UXS1: variants seen among roughly 807,000 people sequenced by gnomAD.
The protein encoded by UXS1 is UDP-glucuronate decarboxylase 1.
Under a neutral mutation model 62.6 loss-of-function variants are expected in UXS1, and 33 were observed. That is an observed-to-expected ratio of 0.53 (90% CI 0.40 to 0.70). The LOEUF is 0.70. UXS1 is among the 30% of genes least tolerant of loss of function. UXS1 has a pLI of 0.00. For missense variants in UXS1, 434 were observed against 556.3 expected, an observed-to-expected ratio of 0.78 and a Z score of 2.21; for synonymous variants, 213 against 206.8, an observed-to-expected ratio of 1.03 and a Z score of -0.26.
chr2:106,121,057 C>T (rs1045671448), intron 9 of UXS1, among the ~76,000 whole-genome samples: 1 of 152,180 alleles, frequency 6.6e-6, no homozygotes, highest in African/African-American at 2.4e-5. Context: ...CTAGGTGCTA[C>T]CTTCCGGAAC....
chr2:106,102,596 A>G (rs994312430), intron 11 of UXS1: 6 of 152,230 alleles, frequency 3.9e-5, no homozygotes, highest in African/African-American at 1.4e-4. Flanking sequence ...CCATGAGAAT[A>G]TTAAACAGAG....
chr2:106,166,197 T>C, intron 1 of UXS1, 114 bp from the exon 2 acceptor site: 1 of 1,030,970 alleles, frequency 9.7e-7, no homozygotes, highest in Non-Finnish European at 1.4e-6. Context: ...GAAAATTAAC[T>C]TACGAAGACA....
At chr2:106,189,688 G>A (rs1267364787) in intron 1 of UXS1, among the ~76,000 whole-genome samples, 3 of 152,190 alleles carry the variant, frequency 2.0e-5, no homozygotes, top group Admixed American at 2.0e-4. Context: ...CCGAAAGGAA[G>A]ATGCTACAAT....
Position 106,098,755 on chromosome 2 carries a change from T to C in UXS1, c.1003A>G (p.Thr335Ala), listed in dbSNP as rs1677334567. The C allele has an allele frequency of 6.2e-7, 1 of 1,612,054 alleles. No individual in the cohort carries two copies. Among genetic ancestry groups the C allele is most frequent in the Non-Finnish European group, 8.5e-7 (1 of 1,179,076 alleles). The change falls in exon 13 of 15, where the codon ACA becomes GCA. Residue 335 changes from threonine to alanine, a missense_variant. Coordinates refer to ENST00000283148, the MANE Select transcript of UXS1 (RefSeq NM_001253875.2). Reference protein sequence around the residue: ...PVNLGNPEEHTILEFAQLIKN... With the variant: ...PVNLGNPEEHAILEFAQLIKN... ...ATTAACTGAGCAAATTCTAGGATTG[T>C]GTGTTCTTCTGGGTTCCCCTAAGAA...
At chr2:106,132,732 G>C (rs1680498041) in intron 6 of UXS1, among the ~76,000 whole-genome samples, 1 of 3,700 alleles carries the variant, frequency 2.7e-4, no homozygotes, top group African/African-American at 1.0e-3. Context: ...CACCAGGCCT[G>C]CCCTAAAAGA....
Position 106,093,916 on chromosome 2 carries a change from T to C in UXS1, c.*110A>G. The C allele has an allele frequency of 7.3e-7, 1 of 1,364,648 alleles. No individual in the cohort carries two copies. The highest frequency in any genetic ancestry group is 9.6e-7 in the Non-Finnish European group (1 of 1,037,986). 84.5% of individuals were successfully genotyped at this position (1,364,648 alleles called of 1,614,324 possible). ...CAAGCTTCAGAATGAAATTCCAGTT[T>C]GTTCTTCATGACACCTGTTAAAGTC... On this transcript the variant is annotated 3_prime_UTR_variant, in exon 15 of 15. Transcript: ENST00000283148.
At chr2:106,154,406 A>G (rs185678699) in intron 5 of UXS1, among the ~76,000 whole-genome samples, 2 of 152,326 alleles carry the variant, frequency 1.3e-5, no homozygotes, top group Admixed American at 1.3e-4. Flanking sequence ...CCCTACAGAC[A>G]TATTTAGTTA....
chr2:106,163,538 A>T, intron 4 of UXS1, 129 bp downstream of exon 4: 1 of 551,672 alleles, frequency 1.8e-6, no homozygotes, highest in Non-Finnish European at 3.1e-6. Context: ...TATTACACTC[A>T]AAGTGGGGGA....
chr2:106,137,600 C>G (rs1680762427), intron 6 of UXS1, among the ~76,000 whole-genome samples: 1 of 151,504 alleles, frequency 6.6e-6, no homozygotes, highest in South Asian at 2.1e-4. Context: ...TCCAGCCTGG[C>G]CAACATGGTG....
chr2:106,145,191 C>T lies in UXS1; in HGVS notation c.471G>A (p.Glu157=). 3.7e-6 allele frequency: 6 copies of T among 1,612,540 alleles called. No individual in the cohort carries two copies. The highest frequency in any genetic ancestry group is 5.1e-6 in the Non-Finnish European group (6 of 1,179,178). Residue 157 remains glutamate (E), a splice_region_variant and synonymous_variant, in exon 6 of 15, where the codon GAG becomes GAA. Coordinates refer to ENST00000283148, the MANE Select transcript of UXS1 (RefSeq NM_001253875.2). ...NHDVVEPLYI[E]VDQIYHLASP... is the part of the protein sequence containing the mutation. ...TAACAATGTGCAGTTTTCACTCACCCTCGATGTAGAGGGGCTCCACCACGT... is the reference window on the plus strand; with the variant it reads ...TAACAATGTGCAGTTTTCACTCACCTTCGATGTAGAGGGGCTCCACCACGT...
At chr2:106,118,936 G>A (rs562084067) in intron 9 of UXS1, among the ~76,000 whole-genome samples, 24 of 152,294 alleles carry the variant, frequency 1.6e-4, no homozygotes, top group African/African-American at 5.3e-4. Flanking sequence ...ATTAATTAAA[G>A]TTGTTAAAAT....
At chr2:106,165,342 C>T (rs1208989141) in intron 2 of UXS1, among the ~76,000 whole-genome samples, 1 of 152,122 alleles carries the variant, frequency 6.6e-6, no homozygotes, top group Non-Finnish European at 1.5e-5. Flanking sequence ...GCATAGTAAC[C>T]TTTTACCCTG....
chr2:106,180,334 T>G (rs2105103615), intron 1 of UXS1, among the ~76,000 whole-genome samples: 1 of 152,346 alleles, frequency 6.6e-6, no homozygotes, highest in Admixed American at 6.5e-5. Flanking sequence ...GAATTAAAAC[T>G]AAGCCCCAGA....
chr2:106,141,691 T>C (rs190281615), intron 6 of UXS1, among the ~76,000 whole-genome samples: 131 of 152,044 alleles, frequency 8.6e-4, no homozygotes, highest in African/African-American at 3.1e-3. Flanking sequence ...TCAAGCGATC[T>C]GCCTGCCTCA....
At chr2:106,121,640 C>A (rs1660142276) in intron 9 of UXS1, among the ~76,000 whole-genome samples, 1 of 152,156 alleles carries the variant, frequency 6.6e-6, no homozygotes. Context: ...TATGTTCCTA[C>A]TAAAACTGAT....
chr2:106,096,454 T>C (rs1434929250), intron 14 of UXS1, among the ~76,000 whole-genome samples: 4 of 152,152 alleles, frequency 2.6e-5, no homozygotes, highest in African/African-American at 4.8e-5. Flanking sequence ...TATGAGAGAA[T>C]GTAAGAATGT....
At chr2:106,108,841 C>T (rs930203040) in intron 10 of UXS1, among the ~76,000 whole-genome samples, 8 of 152,174 alleles carry the variant, frequency 5.3e-5, no homozygotes, top group Non-Finnish European at 8.8e-5. Context: ...GGCCAAACTT[C>T]GTTCAGCCTC....
intron 12 of UXS1, 63 bp from the exon 13 acceptor site, chr2:106,098,836 C>A: frequency 6.8e-7 from 1 of 1,476,258 alleles, no homozygotes; most frequent in Non-Finnish European, 9.4e-7. Flanking sequence ...ACCACCCAGA[C>A]CACAGGCGTG....
At chr2:106,151,179 G>A (rs994748367) in intron 5 of UXS1, among the ~76,000 whole-genome samples, 2 of 152,204 alleles carry the variant, frequency 1.3e-5, no homozygotes, top group African/African-American at 4.8e-5. Context: ...ATGATGTTTA[G>A]ATGAGACTTT....
Sources: gnomAD v4.1 joint callset for allele counts (sites outside exome capture counted in the v4.1 genomes callset) on GRCh38, gnomAD v4.1.1 for gene constraint, MANE v1.5 for transcripts, NCBI Gene and HGNC (gene_info 2026-07-23, HGNC 2026-07-21) for gene names.